Variants in UTRN observed in about 807,000 individuals in gnomAD.
UTRN encodes dystrophin-related protein 1.
Under a neutral mutation model 463.9 loss-of-function variants are expected in UTRN, and 283 were observed. The ratio of observed to expected loss-of-function variants is 0.61; its 90% CI spans 0.55 to 0.67. The LOEUF (loss-of-function observed/expected upper bound fraction) is 0.67. UTRN is among the 30% of genes least tolerant of loss of function. The pLI is 0.00. For synonymous variants in UTRN, 1,442 were observed against 1,431.5 expected (o/e 1.01, Z -0.17); for missense variants, 3,922 against 4,084.3 (o/e 0.96, Z 1.08).
At chr6:144,707,957 A>G (rs1785258037) in intron 53 of UTRN, 1 of 170,792 alleles carries the variant, frequency 5.9e-6, no homozygotes, top group African/African-American at 2.4e-5. Context: ...AGAGTTGTTA[A>G]ACATCAAGAT....
At chr6:144,826,280 C>T (rs748628902) in intron 66 of UTRN, among the ~76,000 whole-genome samples, 17 of 152,044 alleles carry the variant, frequency 1.1e-4, no homozygotes, top group Non-Finnish European at 2.5e-4. Context: ...CATCAACCTG[C>T]ACTTCACTAT....
intron 51 of UTRN, among the ~76,000 whole-genome samples, chr6:144,592,102 G>A (rs1209281578): frequency 6.6e-6 from 1 of 152,042 alleles, no homozygotes; most frequent in Non-Finnish European, 1.5e-5. Context: ...CATCGTGAAT[G>A]CTTTGTAGGT....
chr6:144,711,078 G>A (rs1011465153), intron 53 of UTRN, among the ~76,000 whole-genome samples: 1 of 152,202 alleles, frequency 6.6e-6, no homozygotes, highest in Admixed American at 6.5e-5. Flanking sequence ...AGCACTTTGG[G>A]AAGCCGAGGC....
intron 33 of UTRN, among the ~76,000 whole-genome samples, chr6:144,495,756 A>C (rs1793583896): frequency 6.6e-6 from 1 of 152,252 alleles, no homozygotes; most frequent in African/African-American, 2.4e-5. Flanking sequence ...AATAATTCCA[A>C]ATTTCAATGG....
At chr6:144,685,546 T>G (rs908335403) in intron 52 of UTRN, among the ~76,000 whole-genome samples, 2 of 152,210 alleles carry the variant, frequency 1.3e-5, no homozygotes, top group African/African-American at 4.8e-5. Context: ...GACTTTTTAA[T>G]AATGGCCGTT....
At chr6:144,448,320 T>C (rs549293467) in intron 16 of UTRN, among the ~76,000 whole-genome samples, 12 of 152,314 alleles carry the variant, frequency 7.9e-5, no homozygotes, top group African/African-American at 2.9e-4. Context: ...ATTCCATTCA[T>C]AGGAAATGTC....
chr6:144,611,677 A>G (rs750210068), intron 51 of UTRN, among the ~76,000 whole-genome samples: 6 of 152,212 alleles, frequency 3.9e-5, no homozygotes, highest in Admixed American at 1.3e-4. Context: ...ACTGACAACT[A>G]TAAAACGCTG....
At chr6:144,793,311 T>C (rs1267405455) in intron 62 of UTRN, among the ~76,000 whole-genome samples, 1 of 152,074 alleles carries the variant, frequency 6.6e-6, no homozygotes, top group African/African-American at 2.4e-5. Flanking sequence ...GGTCTTGCTA[T>C]GTTGCCCAAA....
At chr6:144,313,514 C>G (rs917049066) in intron 2 of UTRN, among the ~76,000 whole-genome samples, 6 of 152,320 alleles carry the variant, frequency 3.9e-5, no homozygotes, top group Non-Finnish European at 8.8e-5. Context: ...CCCCCTGGCT[C>G]CAGTTTGCAG....
chr6:144,580,261 A>G (rs1197350386), intron 51 of UTRN, among the ~76,000 whole-genome samples: 1 of 140,752 alleles, frequency 7.1e-6, no homozygotes, highest in Non-Finnish European at 1.5e-5. Context: ...GTCTTTGTGC[A>G]CTAAGGAAGA....
rs78769176 is a variant in UTRN at position 144,804,775 on chromosome 6, C to G, written c.9357+1628C>G. ...ATGGTTTTCAGATCCTTGAGAAAGA[C>G]ACTCCTGAGTTGTTGGAGATACATC... On this transcript the variant is annotated intron_variant, in intron 65 of 74. Coordinates refer to ENST00000367545, the MANE Select transcript of UTRN (RefSeq NM_007124.3). Among the ~76,000 whole-genome samples, 473 of 152,240 alleles carry G rather than the reference C, an allele frequency of 3.1e-3. 19 individuals carry two copies. The East Asian group carries it at 0.076, about 25-fold the overall frequency.
chr6:144,401,455 C>T (rs771284909), intron 2 of UTRN, among the ~76,000 whole-genome samples: 1 of 152,108 alleles, frequency 6.6e-6, no homozygotes, highest in Non-Finnish European at 1.5e-5. Flanking sequence ...AGCAAGTTCT[C>T]TTGGTTAATA....
chr6:144,765,320 C>A (rs1373881241), intron 58 of UTRN, among the ~76,000 whole-genome samples: 2 of 152,134 alleles, frequency 1.3e-5, no homozygotes, highest in African/African-American at 4.8e-5. Flanking sequence ...ATATTGACAT[C>A]TTATATTTTG....
chr6:144,518,275 C>T (rs1374182313), intron 39 of UTRN, among the ~76,000 whole-genome samples: 2 of 152,156 alleles, frequency 1.3e-5, no homozygotes, highest in Non-Finnish European at 2.9e-5. Flanking sequence ...CATGTCATTC[C>T]TTCATCGAAG....
chr6:144,833,690 CCT>C (rs1178256383), intron 69 of UTRN, among the ~76,000 whole-genome samples: 1 of 152,178 alleles, frequency 6.6e-6, no homozygotes, highest in Non-Finnish European at 1.5e-5. Context: ...TGTTTTATCA[CCT>C]CTCTCTTCAC....
chr6:144,665,817 T>G (rs1780326539), intron 51 of UTRN, among the ~76,000 whole-genome samples: 1 of 152,212 alleles, frequency 6.6e-6, no homozygotes, highest in Non-Finnish European at 1.5e-5. Flanking sequence ...TGGCTTTTCT[T>G]AACCTTCTAC....
intron 1 of UTRN, among the ~76,000 whole-genome samples, chr6:144,291,243 C>A (rs988197838): frequency 4.6e-5 from 7 of 152,236 alleles, no homozygotes; most frequent in Admixed American, 2.0e-4. Flanking sequence ...GTACACTTGT[C>A]TCTTGGCTGT....
chr6:144,398,534 C>A, intron 2 of UTRN: 1 of 266,762 alleles, frequency 3.7e-6, no homozygotes, highest in Non-Finnish European at 7.4e-6. Flanking sequence ...GTCTGGATAT[C>A]AGGATCATTA....
At chr6:144,585,170 TC>T (rs1802345491) in intron 51 of UTRN, among the ~76,000 whole-genome samples, 1 of 151,848 alleles carries the variant, frequency 6.6e-6, no homozygotes, top group African/African-American at 2.4e-5. Context: ...ACAAGTTAAG[TC>T]ACTGAAGTCA....
Sources: gnomAD v4.1 joint callset for allele counts (sites outside exome capture counted in the v4.1 genomes callset) on GRCh38, gnomAD v4.1.1 for gene constraint, MANE v1.5 for transcripts, NCBI Gene and HGNC (gene_info 2026-07-23, HGNC 2026-07-21) for gene names.